Variants in PCMTD1 observed in about 807,000 individuals in gnomAD.
The protein encoded by PCMTD1 is protein-L-isoaspartate O-methyltransferase domain-containing protein 1.
PCMTD1 carries 12 observed loss-of-function variants against 37.6 expected under a neutral mutation model. The observed-to-expected ratio is 0.32, with a 90% CI of 0.20 to 0.52. The LOEUF (loss-of-function observed/expected upper bound fraction) is 0.52, where lower values mean the gene tolerates loss of function less well. Ranked by LOEUF, PCMTD1 falls within the 20% of genes least tolerant of loss-of-function variation. The pLI, the probability that PCMTD1 is intolerant of heterozygous loss-of-function variation, is 0.97. For missense variants in PCMTD1, 235 were observed against 421.3 expected (o/e 0.56, Z 3.87); for synonymous variants, 117 against 135.8 (o/e 0.86, Z 0.96).
intron 3 of PCMTD1, among the ~76,000 whole-genome samples, chr8:51,834,987 T>C (rs17210466): frequency 0.062 from 9,394 of 152,246 alleles, 382 homozygotes; most frequent in Non-Finnish European, 0.088. Flanking sequence ...TTTTCAGGGC[T>C]CTCTTCCATC....
chr8:51,868,477 A>G (rs1217446221), intron 1 of PCMTD1, among the ~76,000 whole-genome samples: 2 of 152,180 alleles, frequency 1.3e-5, no homozygotes, highest in African/African-American at 4.8e-5. Context: ...AGGGACTGCT[A>G]TGCTTTGGCA....
chr8:51,843,334 A>T (rs2038174198), intron 3 of PCMTD1, among the ~76,000 whole-genome samples: 1 of 152,116 alleles, frequency 6.6e-6, no homozygotes, highest in African/African-American at 2.4e-5. Flanking sequence ...AGATTAGGAT[A>T]ATAAAATTTT....
intron 2 of PCMTD1, among the ~76,000 whole-genome samples, chr8:51,860,207 G>A (rs1288440780): frequency 1.3e-5 from 2 of 152,196 alleles, no homozygotes; most frequent in African/African-American, 2.4e-5. Context: ...CTTCAAAGGA[G>A]TATTAGGAAC....
At chr8:51,839,374 A>T in intron 3 of PCMTD1, 1 of 811,626 alleles carries the variant, frequency 1.2e-6, no homozygotes, top group Non-Finnish European at 1.5e-6. Flanking sequence ...TGAAAAAAAT[A>T]TAGAGCACAC....
Position 51,819,532 on chromosome 8 carries a change from T to C in PCMTD1, c.*819A>G, listed in dbSNP as rs1355738341. ...GTTTTGCTTTTTTTAAAAAACCAAATACTTTATACAGTGAACTACAGAAAA... is the reference window on the plus strand; with the variant it reads ...GTTTTGCTTTTTTTAAAAAACCAAACACTTTATACAGTGAACTACAGAAAA... On this transcript the variant is annotated 3_prime_UTR_variant, in exon 6 of 6. Coordinates refer to ENST00000522514, the MANE Select transcript of PCMTD1 (RefSeq NM_052937.4). The C allele has an allele frequency of 1.3e-5, 2 of 152,572 alleles. No homozygotes were observed. The highest frequency in any genetic ancestry group is 4.8e-5 in the African/African-American group (2 of 41,446). The allele number at this position is 152,572 out of a possible 1,614,324, so 9.5% of individuals were successfully genotyped here. A position where few individuals can be genotyped will look rare whatever the true frequency, so the allele number is the denominator to read the frequency against.
At chr8:51,869,772 CTGTT>C (rs1325681956) in intron 1 of PCMTD1, among the ~76,000 whole-genome samples, 4 of 152,098 alleles carry the variant, frequency 2.6e-5, no homozygotes, top group South Asian at 2.1e-4. Flanking sequence ...AGAGTTATGT[CTGTT>C]TGAGAAGGAA....
At chr8:51,880,485 C>T (rs891238768) in intron 1 of PCMTD1, among the ~76,000 whole-genome samples, 13 of 152,192 alleles carry the variant, frequency 8.5e-5, no homozygotes, top group African/African-American at 3.1e-4. Context: ...AATATCAACT[C>T]TTCCACCTTT....
intron 1 of PCMTD1, among the ~76,000 whole-genome samples, chr8:51,865,409 T>C (rs779129188): frequency 2.0e-5 from 3 of 152,050 alleles, no homozygotes; most frequent in Non-Finnish European, 4.4e-5. Context: ...CTGATGAACA[T>C]ATCTGCAAAA....
At chr8:51,899,129 C>T, upstream of PCMTD1, 5 of 1,395,556 alleles carry the variant, frequency 3.6e-6, no homozygotes, top group East Asian at 3.0e-5. Context: ...GAACCACGGG[C>T]ACAGGGGCAG....
chr8:51,852,815 CT>C (rs747824508), intron 2 of PCMTD1, among the ~76,000 whole-genome samples: 1 of 152,138 alleles, frequency 6.6e-6, no homozygotes, highest in Non-Finnish European at 1.5e-5. Context: ...AAAAAGTACT[CT>C]TCACTAAGAA....
intron 3 of PCMTD1, among the ~76,000 whole-genome samples, chr8:51,836,026 T>C (rs1386075289): frequency 6.6e-6 from 1 of 152,182 alleles, no homozygotes; most frequent in Non-Finnish European, 1.5e-5. Flanking sequence ...TGACTGAGAA[T>C]ACAATGGGAG....
intron 1 of PCMTD1, among the ~76,000 whole-genome samples, chr8:51,867,853 G>A (rs1260480538): frequency 6.6e-6 from 1 of 151,896 alleles, no homozygotes; most frequent in African/African-American, 2.4e-5. Context: ...TGGTCAAAGG[G>A]CATAAAGTTT....
chr8:51,874,007 G>T (rs886113069), intron 1 of PCMTD1, among the ~76,000 whole-genome samples: 17 of 151,666 alleles, frequency 1.1e-4, no homozygotes, highest in Admixed American at 6.6e-5. Flanking sequence ...CCGCCTCCCG[G>T]GTTCAAGCAA....
chr8:51,839,172 A>G (rs1164831311), intron 3 of PCMTD1, among the ~76,000 whole-genome samples: 10 of 152,142 alleles, frequency 6.6e-5, no homozygotes, highest in East Asian at 1.9e-4. Flanking sequence ...CAAAAATGTT[A>G]TATGTATACA....
chr8:51,898,864 G>T, intron 1 of PCMTD1, 66 bp downstream of exon 1: 1 of 1,234,728 alleles, frequency 8.1e-7, no homozygotes, highest in Non-Finnish European at 1.0e-6. Flanking sequence ...CCAGTCGCCC[G>T]CCCGGCCCTA....
In PCMTD1 at chr8:51,899,025, C is replaced by G. The variant is rs2039056149; in HGVS notation, c.-191G>C. On this transcript the variant is annotated 5_prime_UTR_variant, in exon 1 of 6. Coordinates refer to ENST00000522514, the MANE Select transcript of PCMTD1 (RefSeq NM_052937.4). Reference sequence around the variant, plus strand: ...TACCACCACAATAACAACACGGACGCCACCGCCGAGTGGAGAGGCGGGGCC... The same window carrying G: ...TACCACCACAATAACAACACGGACGGCACCGCCGAGTGGAGAGGCGGGGCC... 1 of 1,512,258 alleles carries G rather than the reference C, an allele frequency of 6.6e-7. No homozygotes were observed. The highest frequency in any genetic ancestry group is 8.8e-7 in the Non-Finnish European group (1 of 1,137,190). 93.7% of individuals were successfully genotyped at this position (1,512,258 alleles called of 1,614,324 possible).
intron 1 of PCMTD1, among the ~76,000 whole-genome samples, chr8:51,878,522 G>A (rs2038747476): frequency 6.6e-6 from 1 of 152,054 alleles, no homozygotes; most frequent in Non-Finnish European, 1.5e-5. Context: ...TGAGGCAGGA[G>A]GACTGTTTGA....
intron 1 of PCMTD1, among the ~76,000 whole-genome samples, chr8:51,871,436 G>A (rs1344563051): frequency 6.6e-6 from 1 of 152,228 alleles, no homozygotes; most frequent in African/African-American, 2.4e-5. Flanking sequence ...GGGAGTCTCA[G>A]AAGGAAGGAT....
At chr8:51,827,292 AAGTAC>A (rs1163832679) in intron 5 of PCMTD1, 38 of 1,250,306 alleles carry the variant, frequency 3.0e-5, no homozygotes, top group Non-Finnish European at 3.8e-5. Context: ...GTAGAATTTC[AAGTAC>A]AGTAGTCTCC....
Sources: allele counts gnomAD v4.1 joint callset (sites outside exome capture counted in the v4.1 genomes callset), GRCh38; gene constraint gnomAD v4.1.1; transcripts MANE v1.5; gene names NCBI Gene and HGNC (gene_info 2026-07-23, HGNC 2026-07-21).